The following SKAP1 variants were observed in gnomAD, a reference collection of about 807,000 sequenced individuals.
SKAP1 encodes src kinase-associated phosphoprotein 1.
A neutral mutation model predicts 58.5 loss-of-function variants in SKAP1; 44 were observed. That is an observed-to-expected ratio of 0.75 (90% CI 0.59 to 0.97). The LOEUF (loss-of-function observed/expected upper bound fraction) is 0.97, where lower values mean the gene tolerates loss of function less well. Ranked by LOEUF, SKAP1 falls within the 50% of genes least tolerant of loss-of-function variation. The pLI is 0.00. For synonymous variants in SKAP1, 127 were observed against 149.7 expected (o/e 0.85, Z 1.11); for missense variants, 390 against 435.2 (o/e 0.90, Z 0.92).
chr17:48,311,289 CTT>C (rs2066221433), intron 4 of SKAP1, among the ~76,000 whole-genome samples: 1 of 152,200 alleles, frequency 6.6e-6, no homozygotes, highest in South Asian at 2.1e-4. Flanking sequence ...TCACTGAAGA[CTT>C]TTCATTATAT....
intron 3 of SKAP1, among the ~76,000 whole-genome samples, chr17:48,355,424 C>T (rs781503250): frequency 3.9e-5 from 6 of 152,044 alleles, no homozygotes; most frequent in Non-Finnish European, 7.4e-5. Context: ...ACCACAGGTG[C>T]ACACCCCCAT....
At chr17:48,201,206 A>C (rs923960579) in intron 4 of SKAP1, among the ~76,000 whole-genome samples, 5 of 152,124 alleles carry the variant, frequency 3.3e-5, no homozygotes, top group Non-Finnish European at 7.4e-5. Flanking sequence ...TTGGAGAAAA[A>C]ATTAGAATAA....
chr17:48,254,127 A>G (rs922870408), intron 4 of SKAP1, among the ~76,000 whole-genome samples: 9 of 152,184 alleles, frequency 5.9e-5, no homozygotes, highest in African/African-American at 1.7e-4. Flanking sequence ...GATAAATAAT[A>G]GGGCCATTCA....
intron 2 of SKAP1, among the ~76,000 whole-genome samples, chr17:48,391,654 G>A (rs1383858305): frequency 6.6e-6 from 1 of 152,134 alleles, no homozygotes; most frequent in African/African-American, 2.4e-5. Context: ...TTTAAGGATG[G>A]GAGGGAGGGA....
rs557267467 is a variant in SKAP1 at position 48,427,963 on chromosome 17, T to C, written c.46+2112A>G. Among the ~76,000 whole-genome samples, 248 of 152,294 alleles carry C rather than the reference T, an allele frequency of 1.6e-3. 2 individuals carry two copies. Among genetic ancestry groups the C allele is most frequent in the African/African-American group, 5.7e-3 (235 of 41,560 alleles). On this transcript the variant is annotated intron_variant, in intron 1 of 12. Coordinates refer to ENST00000336915, the MANE Select transcript of SKAP1 (RefSeq NM_003726.4). ...AACAAACAACAAATTGATGGCCATTTTGGGTTTCTAATATGGACAGATTAT... is the reference window on the plus strand; with the variant it reads ...AACAAACAACAAATTGATGGCCATTCTGGGTTTCTAATATGGACAGATTAT...
At chr17:48,361,860 T>C (rs2066943069) in intron 3 of SKAP1, among the ~76,000 whole-genome samples, 1 of 152,184 alleles carries the variant, frequency 6.6e-6, no homozygotes, top group Non-Finnish European at 1.5e-5. Flanking sequence ...ATTGTCCTGT[T>C]GTACCTTATC....
intron 3 of SKAP1, among the ~76,000 whole-genome samples, chr17:48,355,384 C>G (rs1196053643): frequency 6.6e-6 from 1 of 152,112 alleles, no homozygotes; most frequent in African/African-American, 2.4e-5. Flanking sequence ...CTCAAGTGAT[C>G]CTCCCACCCC....
At chr17:48,141,628 C>T (rs983112705) in intron 11 of SKAP1, among the ~76,000 whole-genome samples, 2 of 152,118 alleles carry the variant, frequency 1.3e-5, no homozygotes, top group Admixed American at 6.5e-5. Flanking sequence ...CTGCCTGCCT[C>T]GGTCTCCCAA....
chr17:48,157,531 G>C (rs1483994102), intron 11 of SKAP1, among the ~76,000 whole-genome samples: 1 of 99,576 alleles, frequency 1.0e-5, no homozygotes, highest in Non-Finnish European at 2.2e-5. Flanking sequence ...CACCGTGCCC[G>C]GCCTCTTTTT....
At position 48,373,163 on chromosome 17, in the gene SKAP1, G is replaced by A. The variant is rs188320554; in HGVS notation, c.153-9349C>T. Among the ~76,000 whole-genome samples the A allele has an allele frequency of 5.3e-5, 8 of 152,264 alleles. No individual in the cohort carries two copies. The East Asian group carries it at 1.3e-3, about 26-fold the overall frequency. On this transcript the variant is annotated intron_variant, in intron 2 of 12. Transcript: ENST00000336915. Reference sequence around the variant, plus strand: ...CTGACTCACACTTCCACATGGCTGCGGAGGCCTCAGGAAACTTAAAACCAT... The same window carrying A: ...CTGACTCACACTTCCACATGGCTGCAGAGGCCTCAGGAAACTTAAAACCAT...
chr17:48,224,877 G>A (rs1483626445), intron 4 of SKAP1, among the ~76,000 whole-genome samples: 1 of 152,136 alleles, frequency 6.6e-6, no homozygotes, highest in Non-Finnish European at 1.5e-5. Flanking sequence ...TTTTGTGTCA[G>A]TACAGTTTGT....
At position 48,396,886 on chromosome 17, in the gene SKAP1, C is replaced by T. The variant is rs772984722; in HGVS notation, c.47-101G>A. The T allele has an allele frequency of 5.1e-6, 4 of 784,428 alleles. No individual in the cohort carries two copies. The East Asian group carries it at 1.1e-4, about 21-fold the overall frequency. 48.6% of individuals were successfully genotyped at this position (784,428 alleles called of 1,614,324 possible). ...GGCACATGTATACATATGTAACTAA[C>T]CTGCACAATGTGCACATGTACCCTA... is the stretch of plus-strand genomic sequence containing the variant. On this transcript the variant is annotated intron_variant, in intron 1 of 12. Coordinates refer to ENST00000336915, the MANE Select transcript of SKAP1 (RefSeq NM_003726.4).
At chr17:48,153,628 C>G (rs1308600439) in intron 11 of SKAP1, among the ~76,000 whole-genome samples, 1 of 152,046 alleles carries the variant, frequency 6.6e-6, no homozygotes, top group East Asian at 1.9e-4. Context: ...AGAAAAGATA[C>G]TTTGCCATAG....
chr17:48,441,806 A>G, the SKAP1 span, among the ~76,000 whole-genome samples: 8 of 152,286 alleles, frequency 5.3e-5, no homozygotes, highest in African/African-American at 1.4e-4. Flanking sequence ...ACCATCTAGG[A>G]CAGGTAATTT....
rs1207646006 is a variant in SKAP1 at position 48,378,044 on chromosome 17, A to G, written c.153-14230T>C. Reference sequence around the variant, plus strand: ...TATACCTCTTTTTCTATTACTATATATATCCCATTAGTCACCAAGACCTGT... The same window carrying G: ...TATACCTCTTTTTCTATTACTATATGTATCCCATTAGTCACCAAGACCTGT... On this transcript the variant is annotated intron_variant, in intron 2 of 12. Transcript: ENST00000336915. 2.6e-5 allele frequency among the ~76,000 whole-genome samples: 4 copies of G among 152,146 alleles called. No individual in the cohort carries two copies. The East Asian group carries it at 7.7e-4, about 29-fold the overall frequency.
intron 1 of SKAP1, among the ~76,000 whole-genome samples, chr17:48,405,487 C>T (rs1472742662): frequency 2.1e-5 from 2 of 95,054 alleles, no homozygotes; most frequent in African/African-American, 3.9e-5. Context: ...TCTTTCTTTT[C>T]TTTTCTTTCC....
At chr17:48,418,969 G>A (rs531471226) in intron 1 of SKAP1, among the ~76,000 whole-genome samples, 80 of 152,094 alleles carry the variant, frequency 5.3e-4, no homozygotes, top group Non-Finnish European at 1.1e-3. Context: ...ATCTTGATCT[G>A]GGGAGTGGTC....
At chr17:48,229,542 A>G (rs2065104945) in intron 4 of SKAP1, among the ~76,000 whole-genome samples, 1 of 151,938 alleles carries the variant, frequency 6.6e-6, no homozygotes, top group Non-Finnish European at 1.5e-5. Flanking sequence ...AATTGCTTAA[A>G]CCCAGGAGGC....
chr17:48,250,549 G>C (rs1027157653), intron 4 of SKAP1, among the ~76,000 whole-genome samples: 1 of 151,818 alleles, frequency 6.6e-6, no homozygotes, highest in Admixed American at 6.6e-5. Flanking sequence ...CCAAAGTGCT[G>C]GGATTATAGG....
Sources: allele counts gnomAD v4.1 joint callset (sites outside exome capture counted in the v4.1 genomes callset), GRCh38; gene constraint gnomAD v4.1.1; transcripts MANE v1.5; gene names NCBI Gene and HGNC (gene_info 2026-07-23, HGNC 2026-07-21).